The following DDX43 variants were observed in gnomAD, a reference collection of about 807,000 sequenced individuals.
DDX43 encodes DEAD-box helicase 43.
DDX43 carries 50 observed loss-of-function variants against 84.9 expected under a neutral mutation model. That is an observed-to-expected ratio of 0.59 (90% CI 0.47 to 0.75). The LOEUF is 0.75. Ranked by LOEUF, DDX43 falls within the 30% of genes least tolerant of loss-of-function variation. DDX43 has a pLI of 0.00. For missense variants in DDX43, 689 were observed against 798.6 expected, an observed-to-expected ratio of 0.86 and a Z score of 1.65; for synonymous variants, 291 against 266.3, an observed-to-expected ratio of 1.09 and a Z score of -0.90.
Position 73,407,610 on chromosome 6 carries a change from T to A in DDX43, c.1032T>A (p.Leu344=), listed in dbSNP as rs1201053026. The A allele has an allele frequency of 6.2e-7, 1 of 1,603,644 alleles. No individual in the cohort carries two copies. Among genetic ancestry groups the A allele is most frequent in the Non-Finnish European group, 8.5e-7 (1 of 1,172,284 alleles). Reference sequence around the variant, plus strand: ...GTTGCAAATATTCATATAAAGGGCTTCGGAGGTAAGTAATTTTTTTTCCCA... The same window carrying A: ...GTTGCAAATATTCATATAAAGGGCTACGGAGGTAAGTAATTTTTTTTCCCA... The part of the protein sequence containing the change: ...GECCKYSYKG[L]RSVCVYGGGN... Residue 344 remains leucine, a synonymous_variant, in exon 8 of 17, where the codon CTT becomes CTA. Transcript: ENST00000370336.
In DDX43 at chr6:73,416,073, G is replaced by T. The variant is rs1298364150; in HGVS notation, c.1834-40G>T. 10 of 1,070,826 alleles carry T rather than the reference G, an allele frequency of 9.3e-6. No individual in the cohort carries two copies. In the African/African-American group the frequency reaches 1.4e-4, roughly 15 times the overall value. The allele number at this position is 1,070,826 out of a possible 1,614,324, so 66.3% of individuals were successfully genotyped here. ...GGATGCATTTTAGTGTTGTAGAAAA[G>T]AACTCAGAATCCTAATAACAACACG... On this transcript the variant is annotated intron_variant, in intron 15 of 16. Coordinates refer to ENST00000370336, the MANE Select transcript of DDX43 (RefSeq NM_018665.3).
intron 4 of DDX43, among the ~76,000 whole-genome samples, chr6:73,404,485 C>T (rs1376022105): frequency 6.6e-6 from 1 of 152,184 alleles, no homozygotes; most frequent in Non-Finnish European, 1.5e-5. Flanking sequence ...TCTCAAAGTG[C>T]TGGGATTAGA....
intron 1 of DDX43, among the ~76,000 whole-genome samples, chr6:73,395,364 G>A (rs1769446063): frequency 6.6e-6 from 1 of 152,180 alleles, no homozygotes; most frequent in African/African-American, 2.4e-5. Flanking sequence ...CAGTATTTTG[G>A]GAGGCCGAGG....
At chr6:73,401,761 C>T in intron 3 of DDX43, 98 bp from the exon 4 acceptor site, 3 of 1,171,958 alleles carry the variant, frequency 2.6e-6, no homozygotes, top group African/African-American at 3.2e-5. Flanking sequence ...GAGATCGCGC[C>T]ACTGCACTCC....
rs1484819353 is a variant in DDX43 at position 73,395,154 on chromosome 6, C to T, written c.249C>T (p.Ile83=). The T allele has an allele frequency of 6.2e-7, 1 of 1,608,902 alleles. No individual in the cohort carries two copies. The highest frequency in any genetic ancestry group is 1.1e-5 in the South Asian group (1 of 90,580). ...AGAGCCACTTTGTTGGCGCGGTAATCGGTGAGAATGGGAGTGGCTGGCAGG... is the reference window on the plus strand; with the variant it reads ...AGAGCCACTTTGTTGGCGCGGTAATTGGTGAGAATGGGAGTGGCTGGCAGG... ...ALKSHFVGAV[I]GRGGSKIKNI... Residue 83 remains isoleucine (I), a splice_region_variant and synonymous_variant, in exon 1 of 17, where the codon ATC becomes ATT. Coordinates refer to ENST00000370336, the MANE Select transcript of DDX43 (RefSeq NM_018665.3).
intron 5 of DDX43, 88 bp from the exon 6 acceptor site, chr6:73,405,591 T>C: frequency 7.5e-7 from 1 of 1,327,554 alleles, no homozygotes; most frequent in South Asian, 1.4e-5. Context: ...GCAGTTGAAT[T>C]TCTAGATAAG....
chr6:73,411,587 CGCAA>C (rs1769785677), intron 10 of DDX43, among the ~76,000 whole-genome samples: 2 of 152,084 alleles, frequency 1.3e-5, no homozygotes, highest in Non-Finnish European at 2.9e-5. Context: ...TCCTCAGCCT[CGCAA>C]AGTGCTGGGA....
chr6:73,397,665 A>G (rs764597181), intron 1 of DDX43, 24 bp from the exon 2 acceptor site: 9 of 1,570,040 alleles, frequency 5.7e-6, no homozygotes, highest in Middle Eastern at 1.7e-4. Context: ...TTATAACAAT[A>G]TATTCCTTTA....
intron 7 of DDX43, 82 bp downstream of exon 7, chr6:73,406,564 TA>T: frequency 5.9e-6 from 5 of 848,468 alleles, no homozygotes; most frequent in Non-Finnish European, 9.4e-6. Flanking sequence ...TTTCTTTACC[TA>T]TTGCTTGATC....
In DDX43 at chr6:73,414,586, A is replaced by G. The variant is rs1204180004; in HGVS notation, c.1645A>G (p.Arg549Gly). The change falls in exon 14 of 17, where the codon AGA becomes GGA. Residue 549 changes from arginine to glycine, a missense_variant. By Grantham distance (125) the Arg-to-Gly change is moderately radical (BLOSUM62 -2). Coordinates refer to ENST00000370336, the MANE Select transcript of DDX43 (RefSeq NM_018665.3). ...RILIATDLASRGLDVHDVTHV... is the reference protein window; with the variant it reads ...RILIATDLASGGLDVHDVTHV... Reference sequence around the variant, plus strand: ...ACTAATTGCAACTGATCTAGCCTCTAGAGGACTTGATGTCCATGACGTTAC... The same window carrying G: ...ACTAATTGCAACTGATCTAGCCTCTGGAGGACTTGATGTCCATGACGTTAC... 5 of 1,613,438 alleles carry G rather than the reference A, an allele frequency of 3.1e-6. No homozygotes were observed. The highest frequency in any genetic ancestry group is 8.5e-7 in the Non-Finnish European group (1 of 1,179,448).
chr6:73,412,638 A>AGTGT (rs66577187), intron 11 of DDX43, among the ~76,000 whole-genome samples: 4,930 of 58,946 alleles, frequency 0.084, 240 homozygotes, highest in Admixed American at 0.1. Context: ...ATATATATAT[A>AGTGT]GTGTGTGTGT....
chr6:73,410,030 CAA>C (rs200732786), intron 10 of DDX43, among the ~76,000 whole-genome samples: 21 of 94,220 alleles, frequency 2.2e-4, no homozygotes, highest in Non-Finnish European at 1.7e-4. Flanking sequence ...AAATCTGTCT[CAA>C]AAAAAAAAAA....
chr6:73,407,625 T>C lies in DDX43; in HGVS notation c.1037+10T>C. 6.4e-7 allele frequency: 1 copy of C among 1,552,882 alleles called. No individual in the cohort carries two copies. The highest frequency in any genetic ancestry group is 8.9e-7 in the Non-Finnish European group (1 of 1,127,344). ...ATAAAGGGCTTCGGAGGTAAGTAATTTTTTTTCCCATTCCTTCACCAGTAT... is the reference window on the plus strand; with the variant it reads ...ATAAAGGGCTTCGGAGGTAAGTAATCTTTTTTCCCATTCCTTCACCAGTAT... On this transcript the variant is annotated intron_variant, in intron 8 of 16. Transcript: ENST00000370336.
intron 11 of DDX43, 39 bp from the exon 12 acceptor site, chr6:73,413,619 A>G: frequency 1.2e-6 from 2 of 1,601,458 alleles, no homozygotes; most frequent in South Asian, 2.3e-5. Flanking sequence ...ACCCTCAATC[A>G]TGATGACCTT....
At chr6:73,414,735 A>C in intron 14 of DDX43, 49 bp downstream of exon 14, 1 of 1,526,404 alleles carries the variant, frequency 6.6e-7, no homozygotes, top group Non-Finnish European at 8.8e-7. Flanking sequence ...GATTCTCCTT[A>C]TTCCTCTCAC....
intron 10 of DDX43, among the ~76,000 whole-genome samples, chr6:73,410,743 C>G (rs150963477): frequency 1.2e-3 from 177 of 152,102 alleles, no homozygotes; most frequent in African/African-American, 4.0e-3. Flanking sequence ...CAGGTGCATG[C>G]CACCACACCC....
In DDX43 at chr6:73,401,835, A is replaced by G. The variant is rs778333369; in HGVS notation, c.437-24A>G. On this transcript the variant is annotated intron_variant, in intron 3 of 16. Transcript: ENST00000370336. ...AAAAAAAAAAAAATAGAAAAAAACT[A>G]ATCGATACAAATGTTTTTAACAGAT... 5 of 1,571,016 alleles carry G rather than the reference A, an allele frequency of 3.2e-6. No individual in the cohort carries two copies. The African/African-American group carries it at 5.6e-5, about 17-fold the overall frequency.
At chr6:73,405,857 T>C (rs376865380) in intron 6 of DDX43, 22 bp downstream of exon 6, 2 of 1,606,576 alleles carry the variant, frequency 1.2e-6, no homozygotes, top group African/African-American at 1.3e-5. Context: ...TTAATTACAA[T>C]ATTTCACTCA....
intron 2 of DDX43, 111 bp from the exon 3 acceptor site, chr6:73,400,123 T>A (rs1769537290): frequency 1.2e-6 from 1 of 839,752 alleles, no homozygotes; most frequent in Non-Finnish European, 1.8e-6. Flanking sequence ...TACTTTATAC[T>A]GTAATAGATT....
Sources: allele counts gnomAD v4.1 joint callset (sites outside exome capture counted in the v4.1 genomes callset), GRCh38; gene constraint gnomAD v4.1.1; transcripts MANE v1.5; gene names NCBI Gene and HGNC (gene_info 2026-07-23, HGNC 2026-07-21).